The following CNIH3 variants were observed in gnomAD, a reference collection of about 807,000 sequenced individuals.
CNIH3 encodes the protein cornichon family AMPA receptor auxiliary protein 3, also known as protein cornichon homolog 3.
CNIH3 carries 14 observed loss-of-function variants against 24.1 expected under a neutral mutation model. The ratio of observed to expected loss-of-function variants is 0.58; its 90% confidence interval spans 0.38 to 0.91. The LOEUF is 0.91. Among genes scored for constraint, CNIH3 ranks in the 40% least tolerant of loss-of-function variants. The pLI is 0.00. For synonymous variants in CNIH3, 68 were observed against 73.8 expected, an observed-to-expected ratio of 0.92 and a Z score of 0.40; for missense variants, 178 against 196.8, an observed-to-expected ratio of 0.90 and a Z score of 0.57.
intron 3 of CNIH3, among the ~76,000 whole-genome samples, chr1:224,558,040 C>T (rs548578563): frequency 1.3e-5 from 2 of 152,292 alleles, no homozygotes; most frequent in East Asian, 3.9e-4. Flanking sequence ...AACAACCATT[C>T]GAACTGCTCA....
At chr1:224,443,547 G>A (rs1244750585) in intron 1 of CNIH3, among the ~76,000 whole-genome samples, 2 of 152,104 alleles carry the variant, frequency 1.3e-5, no homozygotes, top group Non-Finnish European at 2.9e-5. Context: ...GGAGAATACA[G>A]GAGCTTCTTT....
chr1:224,592,922 T>C (rs2125030669), downstream of CNIH3, among the ~76,000 whole-genome samples: 1 of 152,304 alleles, frequency 6.6e-6, no homozygotes, highest in Middle Eastern at 3.4e-3. Context: ...CAAAGGCTCA[T>C]TGTGATCTGT....
chr1:224,472,140 C>G (rs1676399647), intron 1 of CNIH3, among the ~76,000 whole-genome samples: 1 of 152,068 alleles, frequency 6.6e-6, no homozygotes, highest in Non-Finnish European at 1.5e-5. Flanking sequence ...TTTTGAGGAA[C>G]CTCCAAATTG....
At chr1:224,561,258 T>A (rs1680362728) in intron 3 of CNIH3, among the ~76,000 whole-genome samples, 1 of 152,198 alleles carries the variant, frequency 6.6e-6, no homozygotes, top group Non-Finnish European at 1.5e-5. Flanking sequence ...TGTATTCTAG[T>A]GCATCTCTCT....
At chr1:224,553,569 TC>T (rs1680014626) in intron 3 of CNIH3, among the ~76,000 whole-genome samples, 1 of 152,100 alleles carries the variant, frequency 6.6e-6, no homozygotes, top group Non-Finnish European at 1.5e-5. Flanking sequence ...GGGCATCCCT[TC>T]AGGCTGTTAG....
chr1:224,488,586 G>C (rs1677120186), intron 1 of CNIH3, among the ~76,000 whole-genome samples: 1 of 152,038 alleles, frequency 6.6e-6, no homozygotes, highest in Non-Finnish European at 1.5e-5. Flanking sequence ...TCAGCCTCCT[G>C]AATAGGACTG....
intron 1 of CNIH3, among the ~76,000 whole-genome samples, chr1:224,471,367 T>G (rs992692498): frequency 1.3e-5 from 2 of 152,156 alleles, no homozygotes; most frequent in Non-Finnish European, 2.9e-5. Flanking sequence ...TATTTTTTTG[T>G]ACCCATTAAC....
intron 3 of CNIH3, among the ~76,000 whole-genome samples, chr1:224,698,144 A>G (rs1325639583): frequency 1.3e-5 from 2 of 152,186 alleles, no homozygotes; most frequent in Non-Finnish European, 1.5e-5. Flanking sequence ...AGACAATTAC[A>G]CAACTCATGG....
At position 224,739,367 on chromosome 1, in the gene CNIH3, A is replaced by G. The variant is rs757102713; in HGVS notation, c.*11A>G. The G allele has an allele frequency of 1.9e-6, 3 of 1,583,970 alleles. No homozygotes were observed. The highest frequency in any genetic ancestry group is 2.2e-5 in the South Asian group (2 of 88,906). On this transcript the variant is annotated 3_prime_UTR_variant, in exon 6 of 6. Coordinates refer to ENST00000272133, the MANE Select transcript of CNIH3 (RefSeq NM_152495.2). ...TTAGTGAGCTCTTAACGCAAAGACC[A>G]TGCACATCATCAGAGACTGAGATGG...
At chr1:224,558,836 C>A (rs1680249193) in intron 3 of CNIH3, among the ~76,000 whole-genome samples, 1 of 152,176 alleles carries the variant, frequency 6.6e-6, no homozygotes, top group African/African-American at 2.4e-5. Context: ...TCATTTAGAC[C>A]AAATGCTGCA....
intron 1 of CNIH3, chr1:224,454,298 T>C (rs1316465982): frequency 1.1e-6 from 1 of 902,498 alleles, no homozygotes; most frequent in Non-Finnish European, 1.3e-6. Flanking sequence ...CTAGCTGTCC[T>C]TCCACTCTAT....
At chr1:224,678,459 T>C (rs1686242979) in intron 1 of CNIH3, among the ~76,000 whole-genome samples, 1 of 152,198 alleles carries the variant, frequency 6.6e-6, no homozygotes, top group Admixed American at 6.5e-5. Context: ...CCGACAGTAC[T>C]TTACACACTT....
intron 1 of CNIH3, among the ~76,000 whole-genome samples, chr1:224,644,736 C>T (rs908570286): frequency 6.6e-6 from 1 of 152,194 alleles, no homozygotes; most frequent in Non-Finnish European, 1.5e-5. Flanking sequence ...TCAACCGTTG[C>T]CACTAGAGGG....
chr1:224,651,322 C>T (rs1684847455), intron 1 of CNIH3, among the ~76,000 whole-genome samples: 1 of 152,166 alleles, frequency 6.6e-6, no homozygotes, highest in African/African-American at 2.4e-5. Context: ...CCTCTGTTAG[C>T]GTTCTGGTGA....
At chr1:224,504,619 T>G (rs1036828400) in intron 1 of CNIH3, among the ~76,000 whole-genome samples, 99 of 152,212 alleles carry the variant, frequency 6.5e-4, no homozygotes, top group African/African-American at 2.4e-3. Flanking sequence ...AGGAGTCATG[T>G]GTCACTAGTC....
intron 1 of CNIH3, among the ~76,000 whole-genome samples, chr1:224,625,139 C>T (rs1683458452): frequency 6.6e-6 from 1 of 152,154 alleles, no homozygotes; most frequent in African/African-American, 2.4e-5. Context: ...CAGTGATTGC[C>T]AATAAATAAG....
chr1:224,735,576 G>A (rs1289657174), intron 5 of CNIH3, among the ~76,000 whole-genome samples: 3 of 152,204 alleles, frequency 2.0e-5, no homozygotes, highest in Non-Finnish European at 4.4e-5. Flanking sequence ...ATGTTGGACT[G>A]CACGCCACCC....
rs1198088029 is a variant in CNIH3, at chr1:224,730,487, A to G, written c.224A>G (p.His75Arg). The change falls in exon 4 of 6, where the codon CAT (histidine) becomes CGT (arginine). Residue 75 changes from histidine (H) to arginine (R), a missense_variant. By Grantham distance (29) the His-to-Arg change is conservative. Coordinates refer to ENST00000272133, the MANE Select transcript of CNIH3 (RefSeq NM_152495.2). ...RKLVLPEYSI[H>R]SLFCIMFLCA... ...CTGGTGCTGCCAGAATACTCCATCCATAGCCTCTTCTGCATTATGTTCCTG... is the reference window on the plus strand; with the variant it reads ...CTGGTGCTGCCAGAATACTCCATCCGTAGCCTCTTCTGCATTATGTTCCTG... 12 of 1,560,246 alleles carry G rather than the reference A, an allele frequency of 7.7e-6. No individual in the cohort carries two copies. Among genetic ancestry groups the G allele is most frequent in the Non-Finnish European group, 1.0e-5 (12 of 1,150,664 alleles).
chr1:224,656,286 C>A (rs531550789), intron 1 of CNIH3, among the ~76,000 whole-genome samples: 1 of 152,292 alleles, frequency 6.6e-6, no homozygotes, highest in East Asian at 1.9e-4. Context: ...TTTTATTTTG[C>A]TTTTTGAACA....
Sources: gnomAD v4.1 joint callset for allele counts (sites outside exome capture counted in the v4.1 genomes callset) on GRCh38, gnomAD v4.1.1 for gene constraint, MANE v1.5 for transcripts, NCBI Gene and HGNC (gene_info 2026-07-23, HGNC 2026-07-21) for gene names.